Variants in FXN observed in about 807,000 individuals in gnomAD.
FXN encodes frataxin.
In FXN, 14 loss-of-function variants were observed where a neutral mutation model predicts 22.4. The observed-to-expected ratio is 0.62, with a 90% CI of 0.41 to 0.98. The LOEUF (loss-of-function observed/expected upper bound fraction) is 0.98. Ranked by LOEUF, FXN falls within the 50% of genes least tolerant of loss-of-function variation. FXN has a pLI of 0.00. For missense variants in FXN, 267 were observed against 268.4 expected, an observed-to-expected ratio of 0.99 and a Z score of 0.04; for synonymous variants, 120 against 114.1, an observed-to-expected ratio of 1.05 and a Z score of -0.33.
At chr9:69,052,334 A>T (rs1273067712) in intron 2 of FXN, among the ~76,000 whole-genome samples, 1 of 151,546 alleles carries the variant, frequency 6.6e-6, no homozygotes, top group African/African-American at 2.4e-5. Flanking sequence ...TTGTATTTTT[A>T]GTAGAGACAG....
In FXN at chr9:69,075,681, A is replaced by G. The variant is rs1274016986; in HGVS notation, c.*2919A>G. Reference sequence around the variant, plus strand: ...AAGGTTATTAAATATTCACTGTAACATACTGGAGGAGGTGAGGAATTGCAT... The same window carrying G: ...AAGGTTATTAAATATTCACTGTAACGTACTGGAGGAGGTGAGGAATTGCAT... On this transcript the variant is annotated 3_prime_UTR_variant, in exon 5 of 5. Transcript: ENST00000484259. The G allele has an allele frequency of 2.0e-6, 2 of 985,232 alleles. No individual in the cohort carries two copies. The highest frequency in any genetic ancestry group is 1.7e-5 in the African/African-American group (1 of 57,230). 61.0% of individuals were successfully genotyped at this position (985,232 alleles called of 1,614,324 possible).
At position 69,073,042 on chromosome 9, in the gene FXN, T is replaced by A; in HGVS notation, c.*280T>A. The A allele has an allele frequency of 2.3e-6, 3 of 1,292,496 alleles. No homozygotes were observed. Among genetic ancestry groups the A allele is most frequent in the Non-Finnish European group, 2.9e-6 (3 of 1,018,720 alleles). The allele number at this position is 1,292,496 out of a possible 1,614,324, so 80.1% of individuals were successfully genotyped here. A position where few individuals can be genotyped will look rare whatever the true frequency, so the allele number is the denominator to read the frequency against. On this transcript the variant is annotated 3_prime_UTR_variant, in exon 5 of 5. Coordinates refer to ENST00000484259, the MANE Select transcript of FXN (RefSeq NM_000144.5). ...TTTTATAATGTCTTATGCCTATACC[T>A]GAATATAACAACCTTTAAAAAAGCA... is the stretch of plus-strand genomic sequence containing the variant.
intron 3 of FXN, 24 bp downstream of exon 3, chr9:69,053,284 T>C: frequency 6.2e-7 from 1 of 1,611,648 alleles, no homozygotes; most frequent in South Asian, 1.1e-5. Flanking sequence ...TCTTTTATTT[T>C]TCTGTTTCCC....
intron 1 of FXN, 40 bp downstream of exon 1, chr9:69,035,987 G>A (rs1831543147): frequency 2.2e-6 from 3 of 1,382,930 alleles, no homozygotes; most frequent in Admixed American, 3.0e-5. Context: ...GCCGCACGCC[G>A]CGGGCCGCAC....
rs542449121 is a variant in FXN, at chr9:69,074,287, C to T, written c.*1525C>T. ...TTACCTCATTTTAATTTTTACTGAC[C>T]TGCACTTTATACAAAGCAACAAGCC... On this transcript the variant is annotated 3_prime_UTR_variant, in exon 5 of 5. Coordinates refer to ENST00000484259, the MANE Select transcript of FXN (RefSeq NM_000144.5). 4.2e-4 allele frequency: 414 copies of T among 984,902 alleles called. 2 individuals are homozygous for T. In the African/African-American group the frequency reaches 6.1e-3, roughly 15 times the overall value. 61.0% of individuals were successfully genotyped at this position (984,902 alleles called of 1,614,324 possible). A position where few individuals can be genotyped will look rare whatever the true frequency, so the allele number is the denominator to read the frequency against.
intron 2 of FXN, among the ~76,000 whole-genome samples, chr9:69,049,509 G>A (rs554512064): frequency 6.6e-6 from 1 of 152,282 alleles, no homozygotes; most frequent in South Asian, 2.1e-4. Context: ...AGCCCCTGGT[G>A]TCTTACTTTA....
intron 4 of FXN, among the ~76,000 whole-genome samples, chr9:69,070,348 A>G (rs1031340219): frequency 2.6e-5 from 4 of 152,232 alleles, no homozygotes; most frequent in African/African-American, 9.6e-5. Flanking sequence ...CCAGCTGACC[A>G]TGAGACCAAG....
chr9:69,053,369 T>A, intron 3 of FXN, 109 bp downstream of exon 3: 2 of 1,345,786 alleles, frequency 1.5e-6, no homozygotes, highest in Non-Finnish European at 2.1e-6. Context: ...CATGTAGTTG[T>A]AGGTAGGATT....
chr9:69,047,447 C>T (rs1564331426), intron 2 of FXN, among the ~76,000 whole-genome samples: 1 of 152,158 alleles, frequency 6.6e-6, no homozygotes, highest in Non-Finnish European at 1.5e-5. Flanking sequence ...ACTAGCTGCC[C>T]GCAGCACTGG....
intron 1 of FXN, among the ~76,000 whole-genome samples, chr9:69,045,868 C>T (rs1314210706): frequency 1.3e-5 from 2 of 152,124 alleles, no homozygotes; most frequent in Admixed American, 6.5e-5. Context: ...CTGCTAGTTC[C>T]GTGCATACTC....
At chr9:69,052,145 G>A (rs1831862944) in intron 2 of FXN, among the ~76,000 whole-genome samples, 1 of 136,728 alleles carries the variant, frequency 7.3e-6, no homozygotes, top group African/African-American at 2.7e-5. Context: ...ACCAGGCCCA[G>A]CCTATTTTTT....
intron 3 of FXN, among the ~76,000 whole-genome samples, chr9:69,056,407 G>C (rs1831959933): frequency 6.6e-6 from 1 of 152,238 alleles, no homozygotes; most frequent in African/African-American, 2.4e-5. Context: ...CACATGTGGA[G>C]TAAGCTAACG....
intron 1 of FXN, 195 bp downstream of exon 1, chr9:69,036,142 C>T (rs931197928): frequency 3.9e-5 from 14 of 359,812 alleles, no homozygotes; most frequent in Non-Finnish European, 5.1e-5. Context: ...GTTGCATTTA[C>T]ACTGGCTTCT....
At chr9:69,071,452 T>C (rs1266459017) in intron 4 of FXN, among the ~76,000 whole-genome samples, 4 of 152,214 alleles carry the variant, frequency 2.6e-5, no homozygotes, top group African/African-American at 9.6e-5. Flanking sequence ...TGGGCTCCCA[T>C]GCACTCTGTT....
In FXN at chr9:69,074,598, A is replaced by G; in HGVS notation, c.*1836A>G. The G allele has an allele frequency of 5.1e-6, 5 of 985,296 alleles. No homozygotes were observed. Among genetic ancestry groups the G allele is most frequent in the Non-Finnish European group, 6.0e-6 (5 of 829,856 alleles). The allele number at this position is 985,296 out of a possible 1,614,324, so 61.0% of individuals were successfully genotyped here. A position where few individuals can be genotyped will look rare whatever the true frequency, so the allele number is the denominator to read the frequency against. On this transcript the variant is annotated 3_prime_UTR_variant, in exon 5 of 5. Transcript: ENST00000484259. Reference sequence around the variant, plus strand: ...AAAGGCTTTTCCAATGGGTGAATAAAAACACATTCCATTAAGTCAAGCTGG... The same window carrying G: ...AAAGGCTTTTCCAATGGGTGAATAAGAACACATTCCATTAAGTCAAGCTGG...
chr9:69,060,507 T>C (rs1027459113), intron 3 of FXN, among the ~76,000 whole-genome samples: 3 of 152,152 alleles, frequency 2.0e-5, no homozygotes, highest in African/African-American at 7.2e-5. Context: ...TAGACTCAGA[T>C]TGTCTAAGGA....
chr9:69,044,556 G>A (rs973216357), intron 1 of FXN, among the ~76,000 whole-genome samples: 1 of 152,196 alleles, frequency 6.6e-6, no homozygotes, highest in Non-Finnish European at 1.5e-5. Flanking sequence ...ATGGCAACCA[G>A]TGACCTTTGG....
chr9:69,072,765 C>T lies in FXN; in HGVS notation c.*3C>T. The T allele has an allele frequency of 1.2e-6, 2 of 1,614,124 alleles. No homozygotes were observed. The highest frequency in any genetic ancestry group is 1.7e-6 in the Non-Finnish European group (2 of 1,180,026). ...CCTATTCCGGAAAAGATGCTTGATG[C>T]CCAGCCCCGTTTTAAGGACATTAAA... On this transcript the variant is annotated 3_prime_UTR_variant, in exon 5 of 5. Transcript: ENST00000484259.
At chr9:69,061,193 A>G (rs1832065769) in intron 3 of FXN, among the ~76,000 whole-genome samples, 2 of 152,198 alleles carry the variant, frequency 1.3e-5, no homozygotes, top group African/African-American at 4.8e-5. Flanking sequence ...GGAAAAAGTC[A>G]ATTTTGGCTT....
Sources: allele counts gnomAD v4.1 joint callset (sites outside exome capture counted in the v4.1 genomes callset), GRCh38; gene constraint gnomAD v4.1.1; transcripts MANE v1.5; gene names NCBI Gene and HGNC (gene_info 2026-07-23, HGNC 2026-07-21).